CSMD1: variants seen among roughly 807,000 people sequenced by gnomAD.
The protein encoded by CSMD1 is CUB and Sushi multiple domains 1.
CSMD1 carries 213 observed loss-of-function variants against 417.5 expected under a neutral mutation model. The observed-to-expected ratio is 0.51, with a 90% CI of 0.46 to 0.57. The LOEUF (loss-of-function observed/expected upper bound fraction) is 0.57, where lower values mean the gene tolerates loss of function less well. CSMD1 is among the 20% of genes least tolerant of loss of function. CSMD1 has a pLI of 0.00. For missense variants in CSMD1, 6,923 were observed against 4,529.7 expected (o/e 1.53, Z -15.17); for synonymous variants, 2,862 against 1,736.8 (o/e 1.65, Z -16.11).
chr8:3,825,803 T>C lies in CSMD1; in HGVS notation c.819-71761A>G, dbSNP rs79952924. On this transcript the variant is annotated intron_variant, in intron 5 of 69. Coordinates refer to ENST00000635120, the MANE Select transcript of CSMD1 (RefSeq NM_033225.6). ...ATATTCAGGCTTAGTCCAGATGATATGGAATTGAAAGGCTTTAAATCCCAT... is the reference window on the plus strand; with the variant it reads ...ATATTCAGGCTTAGTCCAGATGATACGGAATTGAAAGGCTTTAAATCCCAT... 6.0e-4 allele frequency among the ~76,000 whole-genome samples: 91 copies of C among 152,298 alleles called. 1 individual carries two copies. The highest frequency in any genetic ancestry group is 4.8e-3 in the South Asian group (23 of 4,826).
intron 6 of CSMD1, among the ~76,000 whole-genome samples, chr8:3,736,632 C>T (rs1367571891): frequency 6.6e-6 from 1 of 152,198 alleles, no homozygotes; most frequent in Admixed American, 6.5e-5. Context: ...GTGAATCTTT[C>T]TCATGCCCCA....
At chr8:4,865,028 G>C (rs1002002493) in intron 1 of CSMD1, among the ~76,000 whole-genome samples, 2 of 151,184 alleles carry the variant, frequency 1.3e-5, no homozygotes, top group Non-Finnish European at 3.0e-5. Flanking sequence ...TTTTATTTTT[G>C]TGTTTGCTTT....
intron 7 of CSMD1, among the ~76,000 whole-genome samples, chr8:3,618,768 T>C (rs978962655): frequency 2.6e-5 from 4 of 152,164 alleles, no homozygotes; most frequent in South Asian, 2.1e-4. Flanking sequence ...ATGTTCAAAA[T>C]AGGACTATAT....
At chr8:4,878,498 T>C (rs1341271833) in intron 1 of CSMD1, among the ~76,000 whole-genome samples, 3 of 151,730 alleles carry the variant, frequency 2.0e-5, no homozygotes, top group Non-Finnish European at 4.4e-5. Context: ...ATGATGATGA[T>C]GATGATGATG....
rs150001700 is a variant in CSMD1, at chr8:4,835,905, A to G, written c.85+158427T>C. 5.5e-3 allele frequency among the ~76,000 whole-genome samples: 830 copies of G among 152,170 alleles called. 7 individuals are homozygous for G. The highest frequency in any genetic ancestry group is 0.018 in the African/African-American group (735 of 41,494). On this transcript the variant is annotated intron_variant, in intron 1 of 69. Coordinates refer to ENST00000635120, the MANE Select transcript of CSMD1 (RefSeq NM_033225.6). The stretch of plus-strand genomic sequence containing the variant: ...TGCTGCCTCTTTTTCTCTTTTTGGA[A>G]ATGTAAGTACAGATTATAAGTACAA...
chr8:3,619,256 C>A (rs1297590549), intron 7 of CSMD1, among the ~76,000 whole-genome samples: 1 of 152,134 alleles, frequency 6.6e-6, no homozygotes, highest in African/African-American at 2.4e-5. Flanking sequence ...CCCCCAAAAA[C>A]GTGAAAACAC....
chr8:4,075,163 T>C (rs751672188), intron 3 of CSMD1, among the ~76,000 whole-genome samples: 3 of 152,222 alleles, frequency 2.0e-5, no homozygotes. Context: ...TAAATTTTGC[T>C]AAGCTGAAAA....
chr8:4,697,407 T>C (rs1291376604), intron 1 of CSMD1, among the ~76,000 whole-genome samples: 4 of 152,094 alleles, frequency 2.6e-5, no homozygotes, highest in African/African-American at 9.7e-5. Flanking sequence ...TGCTAGCAAA[T>C]TAGTGTATTT....
intron 46 of CSMD1, among the ~76,000 whole-genome samples, chr8:3,101,308 AC>A (rs1176585003): frequency 6.6e-6 from 1 of 151,940 alleles, no homozygotes; most frequent in African/African-American, 2.4e-5. Context: ...AATTCTCTTC[AC>A]TTTTTGAAAT....
intron 5 of CSMD1, among the ~76,000 whole-genome samples, chr8:3,773,385 C>G (rs931259433): frequency 6.6e-6 from 1 of 152,144 alleles, no homozygotes; most frequent in Admixed American, 6.5e-5. Context: ...AGTGAAGGCT[C>G]AAGTGGTTCT....
chr8:4,031,144 G>C (rs750777547), intron 4 of CSMD1, among the ~76,000 whole-genome samples: 3 of 152,192 alleles, frequency 2.0e-5, no homozygotes, highest in Non-Finnish European at 2.9e-5. Context: ...AACTCTGCCT[G>C]TTATCCAGTT....
chr8:3,525,449 C>A (rs182803548), intron 10 of CSMD1, among the ~76,000 whole-genome samples: 151 of 152,222 alleles, frequency 9.9e-4, no homozygotes, highest in Non-Finnish European at 1.8e-3. Flanking sequence ...CAAGCCAAGC[C>A]ATTTTATAAC....
chr8:3,449,827 A>G (rs748394373), intron 12 of CSMD1, among the ~76,000 whole-genome samples: 1 of 152,220 alleles, frequency 6.6e-6, no homozygotes, highest in African/African-American at 2.4e-5. Context: ...CGAGAGCAAC[A>G]TTTATATCCA....
chr8:4,436,051 T>C (rs1158727469), intron 2 of CSMD1, among the ~76,000 whole-genome samples: 2 of 152,166 alleles, frequency 1.3e-5, no homozygotes, highest in East Asian at 3.8e-4. Flanking sequence ...ATCAAGATCA[T>C]TCACAGATCT....
Position 3,230,069 on chromosome 8 carries a change from A to C in CSMD1, c.4316T>G (p.Phe1439Cys), listed in dbSNP as rs746487548. The change falls in exon 27 of 70, where the codon TTT (phenylalanine) becomes TGT (cysteine). Residue 1439 changes from phenylalanine to cysteine, a missense_variant. Phe to Cys is a radical substitution (Grantham distance 205). Transcript: ENST00000635120. ...GCATGTAGGAGGGTCTGGTTGCCAAAAGAACCGGTTATTCAGCTGCACACA... is the reference window on the plus strand; with the variant it reads ...GCATGTAGGAGGGTCTGGTTGCCAACAGAACCGGTTATTCAGCTGCACACA... ...ITCVQLNNRF[F>C]WQPDPPTCIA... The C allele has an allele frequency of 3.1e-5, 50 of 1,609,280 alleles. No individual in the cohort carries two copies. Among genetic ancestry groups the C allele is most frequent in the Non-Finnish European group, 4.2e-5 (49 of 1,177,626 alleles).
chr8:4,843,497 G>T (rs965501825), intron 1 of CSMD1, among the ~76,000 whole-genome samples: 1 of 152,174 alleles, frequency 6.6e-6, no homozygotes, highest in Non-Finnish European at 1.5e-5. Context: ...AAGTAGCAAA[G>T]ACTAATCGAT....
rs5889078 is a variant in CSMD1, at chr8:4,962,114, G to GT, written c.85+32217dup. 3.2e-3 allele frequency among the ~76,000 whole-genome samples: 468 copies of GT among 144,924 alleles called. 5 individuals carry two copies. Among genetic ancestry groups the GT allele is most frequent in the Middle Eastern group, 0.01 (3 of 290 alleles). Reference sequence around the variant, plus strand: ...GCATGTAAGTATGTATTTTTTTGTTGTTTTTTTTTTGTATTGGAGGCTTTT... The same window carrying GT: ...GCATGTAAGTATGTATTTTTTTGTTGTTTTTTTTTTTGTATTGGAGGCTTTT... On this transcript the variant is annotated intron_variant, in intron 1 of 69. Coordinates refer to ENST00000635120, the MANE Select transcript of CSMD1 (RefSeq NM_033225.6).
At chr8:4,244,081 G>C (rs952433458) in intron 3 of CSMD1, among the ~76,000 whole-genome samples, 3 of 152,202 alleles carry the variant, frequency 2.0e-5, no homozygotes, top group Non-Finnish European at 2.9e-5. Context: ...GTTGTGGACA[G>C]CTCTGTGCAT....
intron 2 of CSMD1, among the ~76,000 whole-genome samples, chr8:4,449,891 A>G (rs1799033044): frequency 6.6e-6 from 1 of 152,150 alleles, no homozygotes; most frequent in African/African-American, 2.4e-5. Context: ...CTCAACCTCC[A>G]TAACATATGT....
Sources: gnomAD v4.1 joint callset for allele counts (sites outside exome capture counted in the v4.1 genomes callset) on GRCh38, gnomAD v4.1.1 for gene constraint, MANE v1.5 for transcripts, NCBI Gene and HGNC (gene_info 2026-07-23, HGNC 2026-07-21) for gene names.